The following CCDC3 variants were observed in gnomAD, a reference collection of about 807,000 sequenced individuals.
CCDC3 encodes the protein coiled-coil domain containing 3.
Under a neutral mutation model 21.4 loss-of-function variants are expected in CCDC3, and 24 were observed. That is an observed-to-expected ratio of 1.12 (90% confidence interval 0.81 to 1.58). The LOEUF (loss-of-function observed/expected upper bound fraction) is 1.58. Among genes scored for constraint, CCDC3 ranks in the 40% most tolerant of loss-of-function variants. The probability of loss-of-function intolerance (pLI) is 0.00; values close to 1 mark genes in which losing one functional copy is unlikely to be tolerated. For missense variants in CCDC3, 425 were observed against 360.9 expected (o/e 1.18, Z -1.44); for synonymous variants, 186 against 166.0 (o/e 1.12, Z -0.93).
chr10:13,058,551 A>G, intron 4 of CCDC3: 1 of 711,038 alleles, frequency 1.4e-6, no homozygotes, highest in Non-Finnish European at 2.6e-6. Context: ...TGCTGTATTT[A>G]TTTTTATCCT....
chr10:13,004,905 G>A (rs1835908003), upstream of CCDC3, among the ~76,000 whole-genome samples: 1 of 152,062 alleles, frequency 6.6e-6, no homozygotes, highest in African/African-American at 2.4e-5. Context: ...TCCACTGAAT[G>A]CACTTTGGTC....
chr10:13,026,748 T>G (rs73589931), intron 5 of CCDC3, among the ~76,000 whole-genome samples: 4 of 152,214 alleles, frequency 2.6e-5, no homozygotes, highest in Admixed American at 6.5e-5. Context: ...TCCCTAGAGA[T>G]TCTCAGTTTA....
chr10:13,008,545 C>A (rs576257372), intron 5 of CCDC3, among the ~76,000 whole-genome samples: 2 of 152,140 alleles, frequency 1.3e-5, no homozygotes, highest in Admixed American at 6.5e-5. Context: ...GGATGGAAAC[C>A]AGTTTCTCAC....
rs546513450 is a variant in CCDC3, at chr10:12,936,195, C to G, written c.550-37516G>C. ...TCTCAGTTTTTGTTTATTTCTCCAT[C>G]ACTTTTGAAGGATAATTTCACAGTG... On this transcript the variant is annotated intron_variant, in intron 2 of 2. Transcript: ENST00000378825. Among the ~76,000 whole-genome samples the G allele has an allele frequency of 3.6e-4, 55 of 152,292 alleles. 1 individual carries two copies. The highest frequency in any genetic ancestry group is 6.9e-4 in the Non-Finnish European group (47 of 68,020).
At chr10:12,937,427 G>T (rs2131234109) in intron 2 of CCDC3, among the ~76,000 whole-genome samples, 1 of 152,280 alleles carries the variant, frequency 6.6e-6, no homozygotes, top group South Asian at 2.1e-4. Flanking sequence ...GAAGACATCA[G>T]ATATCATCAT....
intron 4 of CCDC3, chr10:13,058,621 G>A (rs987060152): frequency 1.1e-4 from 65 of 605,782 alleles, no homozygotes; most frequent in Middle Eastern, 4.8e-4. Flanking sequence ...TCTTCTAAAC[G>A]TCACTTGGTA....
chr10:12,905,345 C>T (rs189103683), intron 2 of CCDC3, among the ~76,000 whole-genome samples: 63 of 152,306 alleles, frequency 4.1e-4, no homozygotes, highest in African/African-American at 1.5e-3. Context: ...GTAGCTGCAA[C>T]GGCTGCTTCC....
chr10:12,903,784 G>A (rs905020887), intron 2 of CCDC3, among the ~76,000 whole-genome samples: 1 of 152,286 alleles, frequency 6.6e-6, no homozygotes, highest in Middle Eastern at 3.4e-3. Context: ...AGTTAGGCTG[G>A]GATATCCATA....
intron 2 of CCDC3, among the ~76,000 whole-genome samples, chr10:12,904,066 C>A (rs567030632): frequency 2.5e-4 from 38 of 152,034 alleles, no homozygotes; most frequent in African/African-American, 8.9e-4. Flanking sequence ...TATCATGATT[C>A]TTTTCCAGTC....
chr10:13,048,481 T>C lies in CCDC3; in HGVS notation c.-2+1193A>G, dbSNP rs150706212. Among the ~76,000 whole-genome samples the C allele has an allele frequency of 7.0e-3, 1,073 of 152,252 alleles. 8 individuals are homozygous for C. The highest frequency in any genetic ancestry group is 0.054 in the Middle Eastern group (16 of 294). On this transcript the variant is annotated intron_variant, in intron 5 of 6. Transcript: ENST00000378839. ...TGCTGGGATTACAGGTGTGAGCCAC[T>C]GCACCTGGCCAGGGTCCCAAGTTTT... is the stretch of plus-strand genomic sequence containing the variant.
rs565802556 is a variant in CCDC3, at chr10:12,976,153, C to T, written c.549+22185G>A. On this transcript the variant is annotated intron_variant, in intron 2 of 2. Transcript: ENST00000378825. Reference sequence around the variant, plus strand: ...CAACCTCTGTGTGTCTCTAGAGACCCGGCCTTGGCCCTATTTCCCCTAAGA... The same window carrying T: ...CAACCTCTGTGTGTCTCTAGAGACCTGGCCTTGGCCCTATTTCCCCTAAGA... Among the ~76,000 whole-genome samples the T allele has an allele frequency of 4.6e-5, 7 of 152,346 alleles. No homozygotes were observed. The Middle Eastern group carries it at 0.014, about 296-fold the overall frequency.
In CCDC3 at chr10:13,059,669, T is replaced by C. The variant is rs546118548; in HGVS notation, c.-269-9728A>G. Among the ~76,000 whole-genome samples the C allele has an allele frequency of 2.6e-5, 4 of 152,238 alleles. No individual in the cohort carries two copies. In the East Asian group the frequency reaches 7.7e-4, roughly 29 times the overall value. On this transcript the variant is annotated intron_variant, in intron 4 of 6. Coordinates refer to the CCDC3 transcript ENST00000378839. ...GAAGGTTTTTTTTCTGCCATTTCACTTCATGGCTATGTGCTCTAAACTGAC... is the reference window on the plus strand; with the variant it reads ...GAAGGTTTTTTTTCTGCCATTTCACCTCATGGCTATGTGCTCTAAACTGAC...
intron 5 of CCDC3, among the ~76,000 whole-genome samples, chr10:13,034,817 G>C (rs1288013145): frequency 2.6e-5 from 4 of 152,076 alleles, no homozygotes; most frequent in Admixed American, 6.6e-5. Context: ...TTGAGGTCAG[G>C]AGTTTGAGAC....
At chr10:13,099,007 GCCTGGC>G (rs1832674618) in intron 2 of CCDC3, 1 of 152,302 alleles carries the variant, frequency 6.6e-6, no homozygotes, top group African/African-American at 2.4e-5. Context: ...GAGCCACCGC[GCCTGGC>G]CCTCCTGCAC....
chr10:12,975,459 G>T (rs1835402338), intron 2 of CCDC3, among the ~76,000 whole-genome samples: 1 of 152,146 alleles, frequency 6.6e-6, no homozygotes, highest in East Asian at 1.9e-4. Flanking sequence ...CCTCTTAAGA[G>T]GAAACAAATC....
intron 4 of CCDC3, among the ~76,000 whole-genome samples, chr10:13,073,031 T>C (rs897467472): frequency 2.0e-5 from 3 of 151,838 alleles, no homozygotes; most frequent in Non-Finnish European, 2.9e-5. Context: ...CACGCCTGGC[T>C]AATTTTTATA....
intron 2 of CCDC3, among the ~76,000 whole-genome samples, chr10:12,975,786 T>C (rs2131267882): frequency 1.3e-5 from 2 of 152,316 alleles, no homozygotes; most frequent in Non-Finnish European, 2.9e-5. Flanking sequence ...TCACTCCTAC[T>C]GTCCTTGAAC....
At chr10:12,902,538 A>G (rs1834110996) in intron 2 of CCDC3, among the ~76,000 whole-genome samples, 1 of 152,232 alleles carries the variant, frequency 6.6e-6, no homozygotes, top group African/African-American at 2.4e-5. Flanking sequence ...TCCAAAGTCC[A>G]TGACAACAAG....
intron 2 of CCDC3, among the ~76,000 whole-genome samples, chr10:12,975,452 CTTAAGAGGA>C (rs1835402133): frequency 6.6e-6 from 1 of 152,178 alleles, no homozygotes; most frequent in Non-Finnish European, 1.5e-5. Flanking sequence ...TCGGCAGCCT[CTTAAGAGGA>C]AACAAATCCA....
Sources: allele counts gnomAD v4.1 joint callset (sites outside exome capture counted in the v4.1 genomes callset), GRCh38; gene constraint gnomAD v4.1.1; transcripts MANE v1.5; gene names NCBI Gene and HGNC (gene_info 2026-07-23, HGNC 2026-07-21).